Variants in MOB3B observed in about 807,000 individuals in gnomAD.
MOB3B encodes MOB kinase activator-like 2B.
A neutral mutation model predicts 18.7 loss-of-function variants in MOB3B; 7 were observed. That is an observed-to-expected ratio of 0.37 (90% confidence interval 0.21 to 0.70). The LOEUF (loss-of-function observed/expected upper bound fraction) is 0.70, where lower values mean the gene tolerates loss of function less well. Ranked by LOEUF, MOB3B falls within the 30% of genes least tolerant of loss-of-function variation. MOB3B has a pLI of 0.52. For synonymous variants in MOB3B, 111 were observed against 99.9 expected, an observed-to-expected ratio of 1.11 and a Z score of -0.66; for missense variants, 253 against 281.3, an observed-to-expected ratio of 0.90 and a Z score of 0.72.
chr9:27,529,750 C>T lies in MOB3B; in HGVS notation c.-394G>A, dbSNP rs918451496. 3.0e-6 allele frequency: 3 copies of T among 985,308 alleles called. No individual in the cohort carries two copies. In the African/African-American group the frequency reaches 5.2e-5, roughly 17 times the overall value. The allele number at this position is 985,308 out of a possible 1,614,324, so 61.0% of individuals were successfully genotyped here. ...GCGAGCGCCTGGCTCCAGCTGCAGC[C>T]GCCGTCGCTCCGGAGCAGCCCCCTC... On this transcript the variant is annotated 5_prime_UTR_variant, in exon 1 of 4. Transcript: ENST00000262244.
intron 3 of MOB3B, among the ~76,000 whole-genome samples, chr9:27,353,324 G>A (rs773630551): frequency 2.8e-4 from 43 of 152,204 alleles, no homozygotes; most frequent in Non-Finnish European, 4.8e-4. Flanking sequence ...TGCAGACTGA[G>A]GGTGCTTGGT....
At chr9:27,353,689 A>C (rs1211001127) in intron 3 of MOB3B, among the ~76,000 whole-genome samples, 1 of 152,096 alleles carries the variant, frequency 6.6e-6, no homozygotes, top group Non-Finnish European at 1.5e-5. Context: ...CCACCTCACG[A>C]ATCTCTGTCC....
At chr9:27,349,730 G>C (rs147825044) in intron 3 of MOB3B, among the ~76,000 whole-genome samples, 1 of 152,226 alleles carries the variant, frequency 6.6e-6, no homozygotes, top group African/African-American at 2.4e-5. Context: ...TGGAGGTTCT[G>C]ATGGGAAATC....
At chr9:27,368,652 C>T (rs538592913) in intron 2 of MOB3B, among the ~76,000 whole-genome samples, 1 of 152,200 alleles carries the variant, frequency 6.6e-6, no homozygotes, top group African/African-American at 2.4e-5. Context: ...TTCCAACTCC[C>T]TCCCTCTGCC....
At chr9:27,413,778 G>A (rs71510491) in intron 2 of MOB3B, among the ~76,000 whole-genome samples, 3 of 152,188 alleles carry the variant, frequency 2.0e-5, no homozygotes, top group African/African-American at 4.8e-5. Context: ...ATTTTTCTAA[G>A]TTTCTGAGCA....
intron 2 of MOB3B, among the ~76,000 whole-genome samples, chr9:27,393,121 C>A (rs956560596): frequency 3.3e-5 from 5 of 152,232 alleles, no homozygotes; most frequent in African/African-American, 1.2e-4. Flanking sequence ...CTATTACTGA[C>A]TATCTGAAAT....
Position 27,416,890 on chromosome 9 carries a change from C to T in MOB3B, c.418+38243G>A, listed in dbSNP as rs541931621. The stretch of plus-strand genomic sequence containing the variant: ...AGAACAAAAGATAGCCACCACTCCA[C>T]GTCTGTAAATGTGCTTATGACTACT... On this transcript the variant is annotated intron_variant, in intron 2 of 3. Transcript: ENST00000262244. Among the ~76,000 whole-genome samples the T allele has an allele frequency of 3.4e-4, 52 of 152,216 alleles. No individual in the cohort carries two copies. In the South Asian group the frequency reaches 9.7e-3, roughly 29 times the overall value.
At chr9:27,342,511 G>C (rs1820959978) in intron 3 of MOB3B, among the ~76,000 whole-genome samples, 1 of 148,120 alleles carries the variant, frequency 6.8e-6, no homozygotes, top group Non-Finnish European at 1.5e-5. Flanking sequence ...CACCAAAGTT[G>C]TGAAAGCCAA....
intron 1 of MOB3B, among the ~76,000 whole-genome samples, chr9:27,478,162 A>G (rs1819584147): frequency 6.6e-6 from 1 of 152,250 alleles, no homozygotes; most frequent in Non-Finnish European, 1.5e-5. Context: ...GATCACTATA[A>G]AAATGTTCCC....
chr9:27,385,578 C>A (rs555062104), intron 2 of MOB3B, among the ~76,000 whole-genome samples: 50 of 152,278 alleles, frequency 3.3e-4, no homozygotes, highest in African/African-American at 1.2e-3. Flanking sequence ...TGTTTTCTTG[C>A]AGGGAGAGCT....
At chr9:27,376,586 C>T (rs1821492648) in intron 2 of MOB3B, among the ~76,000 whole-genome samples, 1 of 152,122 alleles carries the variant, frequency 6.6e-6, no homozygotes, top group Admixed American at 6.5e-5. Flanking sequence ...TAGAATTATC[C>T]AGGGAACATA....
At chr9:27,399,821 T>C (rs1190350004) in intron 2 of MOB3B, among the ~76,000 whole-genome samples, 1 of 152,220 alleles carries the variant, frequency 6.6e-6, no homozygotes, top group Admixed American at 6.5e-5. Context: ...AGATCGTATC[T>C]TCCTACACGT....
intron 1 of MOB3B, among the ~76,000 whole-genome samples, chr9:27,522,475 A>G (rs1417886939): frequency 2.7e-5 from 4 of 150,344 alleles, no homozygotes; most frequent in Non-Finnish European, 5.9e-5. Context: ...CAAAAGTGGT[A>G]TCAGCCTCTA....
In MOB3B at chr9:27,529,810, C is replaced by G. The variant is rs969660938; in HGVS notation, c.-454G>C. On this transcript the variant is annotated 5_prime_UTR_variant, in exon 1 of 4. Transcript: ENST00000262244. ...GCGCGCCGCGCAGCCGGCCGGGGCT[C>G]GACTGTCTCGCGGGGACGCCGAGCG... 19 of 985,446 alleles carry G rather than the reference C, an allele frequency of 1.9e-5. No homozygotes were observed. Among genetic ancestry groups the G allele is most frequent in the Non-Finnish European group, 2.3e-5 (19 of 829,972 alleles). The allele number at this position is 985,446 out of a possible 1,614,324, so 61.0% of individuals were successfully genotyped here.
chr9:27,334,820 CT>C (rs1173443146), intron 3 of MOB3B, among the ~76,000 whole-genome samples: 1 of 85,596 alleles, frequency 1.2e-5, no homozygotes, highest in Non-Finnish European at 2.3e-5. Context: ...ATCTAATATT[CT>C]TTTTTTTCTT....
At chr9:27,460,199 C>G (rs1456422854) in intron 1 of MOB3B, among the ~76,000 whole-genome samples, 2 of 152,122 alleles carry the variant, frequency 1.3e-5, no homozygotes, top group Non-Finnish European at 2.9e-5. Context: ...TGATGTGACT[C>G]CTTCAGAGTA....
intron 2 of MOB3B, among the ~76,000 whole-genome samples, chr9:27,370,904 T>C (rs1035019815): frequency 1.3e-5 from 2 of 152,122 alleles, no homozygotes; most frequent in East Asian, 1.9e-4. Context: ...CTCCATGGAA[T>C]TGCTATAGGC....
At chr9:27,418,165 C>A (rs1267384599) in intron 2 of MOB3B, among the ~76,000 whole-genome samples, 1 of 148,160 alleles carries the variant, frequency 6.7e-6, no homozygotes, top group Non-Finnish European at 1.5e-5. Context: ...CCTCAATAGA[C>A]CAAAAACAAG....
chr9:27,359,809 G>T (rs1312012202), intron 2 of MOB3B, among the ~76,000 whole-genome samples: 1 of 152,132 alleles, frequency 6.6e-6, no homozygotes, highest in African/African-American at 2.4e-5. Context: ...AGTGGTCATC[G>T]AAGTCACTCA....
Sources: gnomAD v4.1 joint callset for allele counts (sites outside exome capture counted in the v4.1 genomes callset) on GRCh38, gnomAD v4.1.1 for gene constraint, MANE v1.5 for transcripts, NCBI Gene and HGNC (gene_info 2026-07-23, HGNC 2026-07-21) for gene names.